ACOXL: variants seen among roughly 807,000 people sequenced by gnomAD.
The protein encoded by ACOXL is acyl-CoA oxidase like.
A neutral mutation model predicts 71.9 loss-of-function variants in ACOXL; 70 were observed. The observed-to-expected ratio is 0.97, with a 90% CI of 0.80 to 1.19. The LOEUF (loss-of-function observed/expected upper bound fraction) is 1.19, where lower values mean the gene tolerates loss of function less well. ACOXL is among the 50% of genes most tolerant of loss of function. The pLI is 0.00. For missense variants in ACOXL, 703 were observed against 736.3 expected, an observed-to-expected ratio of 0.95 and a Z score of 0.52; for synonymous variants, 253 against 281.6, an observed-to-expected ratio of 0.90 and a Z score of 1.02.
At chr2:110,821,872 C>G (rs1412192858) in intron 9 of ACOXL, among the ~76,000 whole-genome samples, 3 of 152,082 alleles carry the variant, frequency 2.0e-5, no homozygotes, top group African/African-American at 4.8e-5. Context: ...CAAATTGTTT[C>G]AGCTTTGGCT....
intron 10 of ACOXL, among the ~76,000 whole-genome samples, chr2:110,855,867 C>T (rs1231774939): frequency 1.3e-5 from 2 of 152,270 alleles, no homozygotes; most frequent in Non-Finnish European, 1.5e-5. Context: ...TTGTGAAGAG[C>T]AAAAGGACAA....
At position 111,032,094 on chromosome 2, in the gene ACOXL, G is replaced by C. The variant is rs181086869; in HGVS notation, c.1369+380G>C. Among the ~76,000 whole-genome samples the C allele has an allele frequency of 6.4e-3, 974 of 152,344 alleles. 32 individuals are homozygous for C. Among genetic ancestry groups the C allele is most frequent in the Admixed American group, 0.054 (823 of 15,304 alleles). On this transcript the variant is annotated intron_variant, in intron 15 of 17. Coordinates refer to ENST00000439055, the MANE Select transcript of ACOXL (RefSeq NM_001142807.4). The stretch of plus-strand genomic sequence containing the variant: ...GAGGGTGTGCACACAGATAAAGTGA[G>C]AGTGTTTTAACAGGGGTCCTGCCTG...
At chr2:110,831,617 G>T (rs540986305) in intron 9 of ACOXL, among the ~76,000 whole-genome samples, 1 of 152,248 alleles carries the variant, frequency 6.6e-6, no homozygotes, top group Admixed American at 6.5e-5. Flanking sequence ...GAGGGCAAAA[G>T]AATAGATAAA....
intron 12 of ACOXL, among the ~76,000 whole-genome samples, chr2:110,947,920 T>C (rs530729640): frequency 2.2e-4 from 33 of 152,336 alleles, no homozygotes; most frequent in Admixed American, 1.5e-3. Context: ...CCAGGGCCGG[T>C]GCCCTCCATC....
chr2:110,830,976 G>C (rs1193937500), intron 9 of ACOXL, among the ~76,000 whole-genome samples: 1 of 152,154 alleles, frequency 6.6e-6, no homozygotes, highest in Non-Finnish European at 1.5e-5. Flanking sequence ...GAATAGAAGG[G>C]AATTTCCTCA....
chr2:110,798,526 G>C lies in ACOXL; in HGVS notation c.346-84G>C, dbSNP rs1019308301. 5.3e-6 allele frequency: 6 copies of C among 1,121,920 alleles called. No individual in the cohort carries two copies. In the African/African-American group the frequency reaches 9.2e-5, roughly 17 times the overall value. 69.5% of individuals were successfully genotyped at this position (1,121,920 alleles called of 1,614,324 possible). Reference sequence around the variant, plus strand: ...CCACCTCGGCCCCCCAAAGTGCTGGGATTACAGTATTCATTGCTTTGAGCC... The same window carrying C: ...CCACCTCGGCCCCCCAAAGTGCTGGCATTACAGTATTCATTGCTTTGAGCC... On this transcript the variant is annotated intron_variant, in intron 5 of 17. Coordinates refer to ENST00000439055, the MANE Select transcript of ACOXL (RefSeq NM_001142807.4).
chr2:110,814,283 T>C (rs1248145481), intron 9 of ACOXL, among the ~76,000 whole-genome samples: 1 of 152,180 alleles, frequency 6.6e-6, no homozygotes, highest in Non-Finnish European at 1.5e-5. Flanking sequence ...GCCTCACAGC[T>C]GTGTGTCACT....
At chr2:110,870,874 G>GA (rs1312007563) in intron 10 of ACOXL, among the ~76,000 whole-genome samples, 1 of 152,170 alleles carries the variant, frequency 6.6e-6, no homozygotes, top group African/African-American at 2.4e-5. Context: ...TGCTGACTGT[G>GA]ACACGTGGAG....
intron 17 of ACOXL, among the ~76,000 whole-genome samples, chr2:111,104,925 C>T (rs2069431725): frequency 6.6e-6 from 1 of 152,082 alleles, no homozygotes; most frequent in East Asian, 1.9e-4. Flanking sequence ...AAGGTATTAT[C>T]CTATGGGCTT....
At position 110,948,077 on chromosome 2, in the gene ACOXL, G is replaced by A. The variant is rs74744393; in HGVS notation, c.1059+14435G>A. ...CAGCTGCCCTGTTTCTCCTCAGTGCGTTCCAGAATTTCACAAAGAAGAACA... is the reference window on the plus strand; with the variant it reads ...CAGCTGCCCTGTTTCTCCTCAGTGCATTCCAGAATTTCACAAAGAAGAACA... On this transcript the variant is annotated intron_variant, in intron 12 of 17. Coordinates refer to ENST00000439055, the MANE Select transcript of ACOXL (RefSeq NM_001142807.4). Among the ~76,000 whole-genome samples, 153 of 152,288 alleles carry A rather than the reference G, an allele frequency of 1.0e-3. 1 individual carries two copies. In the East Asian group the frequency reaches 0.023, roughly 23 times the overall value.
At chr2:110,955,429 CCTCTCTCTCTCT>C (rs71383893) in intron 12 of ACOXL, among the ~76,000 whole-genome samples, 2 of 140,928 alleles carry the variant, frequency 1.4e-5, no homozygotes, top group Non-Finnish European at 3.0e-5. Context: ...AGTCCACCTC[CCTCTCTCTCTCT>C]CTCTCTCTCT....
intron 16 of ACOXL, among the ~76,000 whole-genome samples, chr2:111,053,634 G>T (rs2066402576): frequency 6.6e-6 from 1 of 152,188 alleles, no homozygotes; most frequent in Non-Finnish European, 1.5e-5. Context: ...GTGGAAGTTG[G>T]CAGGAAGACA....
At chr2:110,831,626 A>G (rs1423243322) in intron 9 of ACOXL, among the ~76,000 whole-genome samples, 1 of 152,230 alleles carries the variant, frequency 6.6e-6, no homozygotes, top group Admixed American at 6.5e-5. Context: ...AGAATAGATA[A>G]ACAATTCTGA....
chr2:111,005,313 C>T (rs2063822967), intron 14 of ACOXL, among the ~76,000 whole-genome samples: 1 of 152,184 alleles, frequency 6.6e-6, no homozygotes. Context: ...ATTAATGATC[C>T]TCAAAATCCA....
intron 12 of ACOXL, among the ~76,000 whole-genome samples, chr2:110,940,947 TTTCTGAG>T (rs1382559787): frequency 6.6e-6 from 1 of 152,220 alleles, no homozygotes; most frequent in Non-Finnish European, 1.5e-5. Flanking sequence ...AACTCCTTTG[TTTCTGAG>T]TTCTAATTTT....
chr2:110,801,815 T>C, intron 8 of ACOXL, 91 bp downstream of exon 8: 1 of 1,078,976 alleles, frequency 9.3e-7, no homozygotes, highest in Non-Finnish European at 1.4e-6. Flanking sequence ...ATGGGCTGCA[T>C]GTCTGGGCAT....
At chr2:111,064,459 A>G (rs2066969984) in intron 16 of ACOXL, among the ~76,000 whole-genome samples, 1 of 151,694 alleles carries the variant, frequency 6.6e-6, no homozygotes. Flanking sequence ...AAAAAAAACA[A>G]CAACTATATA....
chr2:110,968,642 T>A, intron 12 of ACOXL: 2 of 954,986 alleles, frequency 2.1e-6, no homozygotes, highest in South Asian at 3.3e-5. Context: ...TCCCAAAATG[T>A]CCATTGCCCA....
intron 3 of ACOXL, among the ~76,000 whole-genome samples, chr2:110,792,322 A>C (rs1167966287): frequency 6.6e-6 from 1 of 152,212 alleles, no homozygotes; most frequent in Admixed American, 6.5e-5. Flanking sequence ...CTGCAGGCAC[A>C]GCAATGTCCC....
Sources: gnomAD v4.1 joint callset for allele counts (sites outside exome capture counted in the v4.1 genomes callset) on GRCh38, gnomAD v4.1.1 for gene constraint, MANE v1.5 for transcripts, NCBI Gene and HGNC (gene_info 2026-07-23, HGNC 2026-07-21) for gene names.